The following STEAP1B variants were observed in gnomAD, a reference collection of about 807,000 sequenced individuals.
STEAP1B encodes the protein STEAP family protein MGC87042.
Under a neutral mutation model 27.9 loss-of-function variants are expected in STEAP1B, and 13 were observed. The observed-to-expected ratio is 0.47, with a 90% CI of 0.30 to 0.74. The LOEUF (loss-of-function observed/expected upper bound fraction) is 0.74. Ranked by LOEUF, STEAP1B falls within the 30% of genes least tolerant of loss-of-function variation. STEAP1B has a pLI of 0.06. For synonymous variants in STEAP1B, 86 were observed against 107.1 expected (o/e 0.80, Z 1.22); for missense variants, 250 against 298.7 (o/e 0.84, Z 1.20).
chr7:22,464,157 GAATA>G (rs1239932989), intron 4 of STEAP1B, among the ~76,000 whole-genome samples: 16 of 152,138 alleles, frequency 1.1e-4, no homozygotes, highest in Non-Finnish European at 1.9e-4. Flanking sequence ...GGTGGTATTA[GAATA>G]AATTAATATT....
At chr7:22,485,430 T>C (rs996910697) in intron 4 of STEAP1B, among the ~76,000 whole-genome samples, 3 of 152,252 alleles carry the variant, frequency 2.0e-5, no homozygotes, top group Admixed American at 6.5e-5. Flanking sequence ...AATTAAGATA[T>C]GTACATTTTT....
chr7:22,493,877 A>T, intron 2 of STEAP1B, 41 bp from the exon 3 acceptor site: 1 of 1,534,038 alleles, frequency 6.5e-7, no homozygotes, highest in Non-Finnish European at 8.8e-7. Flanking sequence ...ATTGAACAAA[A>T]CAATGGGATA....
At chr7:22,447,012 G>A (rs1292276566) in intron 4 of STEAP1B, among the ~76,000 whole-genome samples, 12 of 152,208 alleles carry the variant, frequency 7.9e-5, no homozygotes, top group Non-Finnish European at 1.5e-4. Context: ...TCTCCAGAGA[G>A]CATCAAAAGA....
intron 4 of STEAP1B, among the ~76,000 whole-genome samples, chr7:22,454,360 G>C (rs762531400): frequency 1.7e-4 from 26 of 152,170 alleles, no homozygotes; most frequent in Non-Finnish European, 8.8e-5. Context: ...CCGAATAATA[G>C]AGAAGTCACT....
At chr7:22,485,864 G>A (rs1397986095) in intron 4 of STEAP1B, among the ~76,000 whole-genome samples, 1 of 152,158 alleles carries the variant, frequency 6.6e-6, no homozygotes, top group African/African-American at 2.4e-5. Context: ...GATTCAAGAG[G>A]AACCCAAGAA....
intron 4 of STEAP1B, among the ~76,000 whole-genome samples, chr7:22,421,662 A>C (rs1785044503): frequency 6.6e-6 from 1 of 152,252 alleles, no homozygotes; most frequent in African/African-American, 2.4e-5. Flanking sequence ...CCCCTTTTGA[A>C]TACAGATATA....
At chr7:22,490,687 G>C (rs1029115886) in intron 4 of STEAP1B, among the ~76,000 whole-genome samples, 41 of 152,332 alleles carry the variant, frequency 2.7e-4, no homozygotes, top group African/African-American at 9.6e-4. Context: ...TGATGGGTGG[G>C]CTCATTTCAC....
chr7:22,449,263 A>C (rs927491491), intron 4 of STEAP1B, among the ~76,000 whole-genome samples: 3 of 152,154 alleles, frequency 2.0e-5, no homozygotes, highest in Admixed American at 1.3e-4. Context: ...GTACCCATTA[A>C]CCATCCCCAC....
At chr7:22,496,978 G>A (rs544159969) in intron 1 of STEAP1B, among the ~76,000 whole-genome samples, 4 of 152,194 alleles carry the variant, frequency 2.6e-5, no homozygotes, top group Non-Finnish European at 5.9e-5. Flanking sequence ...TCATGATGAA[G>A]ATATCTGTTG....
intron 4 of STEAP1B, among the ~76,000 whole-genome samples, chr7:22,483,266 G>GA (rs78708897): frequency 1.9e-4 from 29 of 149,088 alleles, no homozygotes; most frequent in African/African-American, 5.9e-4. Context: ...CCTTAGAAAA[G>GA]AAAAAAAAAA....
intron 4 of STEAP1B, among the ~76,000 whole-genome samples, chr7:22,456,972 A>ATTTTTTTTTTTTTTTTTT (rs3064738): frequency 2.1e-4 from 12 of 56,982 alleles, no homozygotes; most frequent in African/African-American, 7.0e-4. Context: ...ATATATATAT[A>ATTTTTTTTTTTTTTTTTT]TTTTTTTTTT....
intron 4 of STEAP1B, among the ~76,000 whole-genome samples, chr7:22,474,197 T>C (rs1785933643): frequency 1.3e-5 from 2 of 152,200 alleles, no homozygotes; most frequent in East Asian, 3.8e-4. Context: ...CATTCAAATA[T>C]GTATAGATGT....
At chr7:22,481,850 T>C (rs1332804726) in intron 4 of STEAP1B, among the ~76,000 whole-genome samples, 2 of 152,196 alleles carry the variant, frequency 1.3e-5, no homozygotes, top group Non-Finnish European at 2.9e-5. Context: ...CTAAAGTCAA[T>C]GAGGTAACAT....
intron 4 of STEAP1B, among the ~76,000 whole-genome samples, chr7:22,454,860 TA>T (rs1419921693): frequency 6.1e-5 from 4 of 65,332 alleles, no homozygotes; most frequent in African/African-American, 3.0e-4. Flanking sequence ...TATATATATA[TA>T]TATATTTTTT....
intron 4 of STEAP1B, among the ~76,000 whole-genome samples, chr7:22,424,240 C>T (rs749151575): frequency 6.6e-6 from 1 of 152,084 alleles, no homozygotes; most frequent in Non-Finnish European, 1.5e-5. Context: ...AATAAATTGA[C>T]AATAACACTT....
intron 4 of STEAP1B, among the ~76,000 whole-genome samples, chr7:22,423,947 T>C (rs1785075174): frequency 6.6e-6 from 1 of 152,124 alleles, no homozygotes; most frequent in Admixed American, 6.5e-5. Context: ...GAAGATCACT[T>C]GAGCCCAGGA....
chr7:22,472,473 GTGATGTGTTACCTGTCCA>G (rs1785901675), intron 4 of STEAP1B, among the ~76,000 whole-genome samples: 1 of 152,212 alleles, frequency 6.6e-6, no homozygotes, highest in Non-Finnish European at 1.5e-5. Flanking sequence ...TGATTGGCAA[GTGATGTGTTACCTGTCCA>G]TGATGACGTA....
rs777068199 is a variant in STEAP1B at position 22,493,579 on chromosome 7, G to A, written c.342C>T (p.Ile114=). The change falls in exon 3 of 5, where the codon ATC becomes ATT. Residue 114 remains isoleucine (I), a synonymous_variant. Transcript: ENST00000678116. ...QYFYKIPILV[I]NKVLPMVSIT... is the part of the protein sequence containing the mutation. ...TGGAAACCATTGGCAAGACTTTGTTGATGACCAGGATTGGAATTTTATAAA... is the reference window on the plus strand; with the variant it reads ...TGGAAACCATTGGCAAGACTTTGTTAATGACCAGGATTGGAATTTTATAAA... 6 of 1,613,950 alleles carry A rather than the reference G, an allele frequency of 3.7e-6. No homozygotes were observed. Among genetic ancestry groups the A allele is most frequent in the Non-Finnish European group, 5.1e-6 (6 of 1,179,864 alleles).
intron 4 of STEAP1B, among the ~76,000 whole-genome samples, chr7:22,425,756 C>T (rs1785097309): frequency 6.6e-6 from 1 of 151,812 alleles, no homozygotes; most frequent in African/African-American, 2.4e-5. Flanking sequence ...AAGGAAATGG[C>T]CTCCTGCCTT....
Sources: allele counts gnomAD v4.1 joint callset (sites outside exome capture counted in the v4.1 genomes callset), GRCh38; gene constraint gnomAD v4.1.1; transcripts MANE v1.5; gene names NCBI Gene and HGNC (gene_info 2026-07-23, HGNC 2026-07-21).